Variants in MAGOH observed in about 807,000 individuals in gnomAD.
The protein encoded by MAGOH is protein mago nashi homolog.
In MAGOH, 3 loss-of-function variants were observed where a neutral mutation model predicts 20.9. The observed-to-expected ratio is 0.14, with a 90% CI of 0.07 to 0.37. The LOEUF is 0.37. Ranked by LOEUF, MAGOH falls within the 10% of genes least tolerant of loss-of-function variation. MAGOH has a pLI of 1.00. For missense variants in MAGOH, 66 were observed against 178.1 expected (o/e 0.37, Z 3.58); for synonymous variants, 51 against 61.0 (o/e 0.84, Z 0.76).
chr1:53,230,443 G>A (rs748654984), intron 3 of MAGOH, among the ~76,000 whole-genome samples: 8 of 152,166 alleles, frequency 5.3e-5, no homozygotes, highest in Non-Finnish European at 1.0e-4. Flanking sequence ...TTAGATACAG[G>A]ATCTCACTCT....
In MAGOH at chr1:53,227,143, C is replaced by A; in HGVS notation, c.343G>T (p.Asp115Tyr). Reference sequence around the variant, plus strand: ...TAAAATACTCGTAAGCCTTCTGGATCCCTAAAATACAAAAGGAAAAAAGTT... The same window carrying A: ...TAAAATACTCGTAAGCCTTCTGGATACCTAAAATACAAAAGGAAAAAAGTT... ...GSLIDVNQSK[D>Y]PEGLRVFYYL... Residue 115 changes from aspartate (D) to tyrosine (Y), a missense_variant and splice_region_variant, in exon 5 of 5, where the codon GAT becomes TAT. By Grantham distance (160) the Asp-to-Tyr change is radical. Transcript: ENST00000371470. 6.4e-7 allele frequency: 1 copy of A among 1,567,240 alleles called. No individual in the cohort carries two copies. The highest frequency in any genetic ancestry group is 8.6e-7 in the Non-Finnish European group (1 of 1,158,218).
chr1:53,227,429 T>C (rs1055577022), intron 4 of MAGOH, among the ~76,000 whole-genome samples: 8 of 152,228 alleles, frequency 5.3e-5, no homozygotes, highest in African/African-American at 1.7e-4. Flanking sequence ...TAATAATGGT[T>C]GTCTGATTGA....
rs186822943 is a variant in MAGOH at position 53,237,366 on chromosome 1, C to A, written c.88+995G>T. 3.1e-3 allele frequency among the ~76,000 whole-genome samples: 466 copies of A among 151,788 alleles called. 2 individuals carry two copies. Among genetic ancestry groups the A allele is most frequent in the Non-Finnish European group, 3.4e-3 (231 of 67,930 alleles). ...GCTTTTTCAAGAAGAGATCACATTTCTTCTCTGCTTAAAACCTTCCAAGCC... is the reference window on the plus strand; with the variant it reads ...GCTTTTTCAAGAAGAGATCACATTTATTCTCTGCTTAAAACCTTCCAAGCC... On this transcript the variant is annotated intron_variant, in intron 1 of 4. Transcript: ENST00000371470.
chr1:53,233,522 G>A lies in MAGOH; in HGVS notation c.258+20C>T, dbSNP rs184326228. The A allele has an allele frequency of 2.6e-6, 4 of 1,568,088 alleles. No individual in the cohort carries two copies. Among genetic ancestry groups the A allele is most frequent in the Non-Finnish European group, 3.5e-6 (4 of 1,138,990 alleles). ...TTATTTGTAAGATTTCTGCACTACAGGATAATCAATAAAACACACCTGCCG... is the reference window on the plus strand; with the variant it reads ...TTATTTGTAAGATTTCTGCACTACAAGATAATCAATAAAACACACCTGCCG... On this transcript the variant is annotated intron_variant, in intron 3 of 4. Coordinates refer to ENST00000371470, the MANE Select transcript of MAGOH (RefSeq NM_002370.4).
At chr1:53,236,869 A>T (rs1645612793) in intron 1 of MAGOH, among the ~76,000 whole-genome samples, 4 of 152,024 alleles carry the variant, frequency 2.6e-5, no homozygotes, top group Admixed American at 1.3e-4. Flanking sequence ...ATCAACGATC[A>T]AAGTCCAGTT....
chr1:53,233,731 A>G (rs1645597496), intron 2 of MAGOH, 79 bp from the exon 3 acceptor site: 4 of 917,294 alleles, frequency 4.4e-6, no homozygotes, highest in African/African-American at 1.6e-5. Context: ...GAAGATAAAA[A>G]TAACTGTTCC....
intron 1 of MAGOH, among the ~76,000 whole-genome samples, chr1:53,236,769 A>C (rs1645612442): frequency 6.6e-6 from 1 of 152,152 alleles, no homozygotes; most frequent in Non-Finnish European, 1.5e-5. Flanking sequence ...GAGGCCTGTC[A>C]GATTCATCTT....
Position 53,226,928 on chromosome 1 carries a change from G to A in MAGOH, c.*117C>T. The A allele has an allele frequency of 1.6e-6, 1 of 616,076 alleles. No homozygotes were observed. The highest frequency in any genetic ancestry group is 2.9e-6 in the Non-Finnish European group (1 of 349,904). 38.2% of individuals were successfully genotyped at this position (616,076 alleles called of 1,614,324 possible). ...AGGTCTTTATAAAATAATAAAAATT[G>A]GATTTTATCACATATTTATTAAAGA... is the stretch of plus-strand genomic sequence containing the variant. On this transcript the variant is annotated 3_prime_UTR_variant, in exon 5 of 5. Transcript: ENST00000371470.
chr1:53,236,764 C>T (rs186363862), intron 1 of MAGOH, among the ~76,000 whole-genome samples: 3 of 152,168 alleles, frequency 2.0e-5, no homozygotes, highest in African/African-American at 7.2e-5. Context: ...CAGTCGAGGC[C>T]TGTCAGATTC....
chr1:53,235,433 G>A, intron 2 of MAGOH, 144 bp downstream of exon 2: 1 of 680,912 alleles, frequency 1.5e-6, no homozygotes, highest in South Asian at 2.0e-5. Context: ...GATGATTTGG[G>A]AAATAATCCA....
At chr1:53,235,662 G>T in intron 1 of MAGOH, 27 bp from the exon 2 acceptor site, 1 of 1,588,000 alleles carries the variant, frequency 6.3e-7, no homozygotes, top group Non-Finnish European at 8.6e-7. Context: ...CAATTTCAAC[G>T]TATAATAAAA....
chr1:53,232,932 C>T (rs1645593214), intron 3 of MAGOH, among the ~76,000 whole-genome samples: 1 of 152,162 alleles, frequency 6.6e-6, no homozygotes, highest in South Asian at 2.1e-4. Context: ...GAAACGCCAT[C>T]TCTACTACAA....
chr1:53,235,700 C>T (rs1645607306), intron 1 of MAGOH, 65 bp from the exon 2 acceptor site: 1 of 1,339,616 alleles, frequency 7.5e-7, no homozygotes, highest in Non-Finnish European at 1.1e-6. Context: ...CAATACCATG[C>T]CAAGGCATCA....
intron 2 of MAGOH, 150 bp from the exon 3 acceptor site, chr1:53,233,802 A>G: frequency 1.6e-6 from 1 of 613,268 alleles, no homozygotes. Flanking sequence ...CCTCGGCATG[A>G]TGCAGGTGAG....
At chr1:53,231,399 A>C (rs1645585588) in intron 3 of MAGOH, among the ~76,000 whole-genome samples, 1 of 152,214 alleles carries the variant, frequency 6.6e-6, no homozygotes, top group Non-Finnish European at 1.5e-5. Flanking sequence ...TAAAGAAGTC[A>C]AATTTACCAA....
rs1030375782 is a variant in MAGOH at position 53,228,881 on chromosome 1, T to C, written c.332A>G (p.Asn111Ser). The change falls in exon 4 of 5, where the codon AAT becomes AGT. Residue 111 changes from asparagine (N) to serine (S), a missense_variant. Physicochemically the swap from Asn to Ser is conservative, Grantham distance 46 (BLOSUM62 1). Coordinates refer to ENST00000371470, the MANE Select transcript of MAGOH (RefSeq NM_002370.4). ...TSKIGSLIDV[N>S]QSKDPEGLRV... Reference sequence around the variant, plus strand: ...GATCATGCACACTTACTTGGATTGATTGACATCAATAAGGGAACCAATTTT... The same window carrying C: ...GATCATGCACACTTACTTGGATTGACTGACATCAATAAGGGAACCAATTTT... The C allele has an allele frequency of 1.1e-5, 18 of 1,607,892 alleles. No individual in the cohort carries two copies. In the African/African-American group the frequency reaches 1.2e-4, roughly 11 times the overall value.
intron 4 of MAGOH, among the ~76,000 whole-genome samples, chr1:53,227,441 A>G (rs1293005075): frequency 9.9e-5 from 15 of 152,250 alleles, no homozygotes; most frequent in Admixed American, 9.8e-4. Flanking sequence ...TCTGATTGAT[A>G]AACTTGTGGA....
chr1:53,229,814 G>C (rs546835516), intron 3 of MAGOH, among the ~76,000 whole-genome samples: 3 of 152,156 alleles, frequency 2.0e-5, no homozygotes, highest in Admixed American at 6.5e-5. Context: ...AGCTACTAGA[G>C]AGGCTGAGGT....
chr1:53,237,673 C>CAAAAAAAAAAAAAAAAAAAAAAAA, intron 1 of MAGOH, among the ~76,000 whole-genome samples: 1 of 55,340 alleles, frequency 1.8e-5, no homozygotes, highest in East Asian at 6.8e-4. Flanking sequence ...AAAGCCGTCT[C>CAAAAAAAAAAAAAAAAAAAAAAAA]AAAAAAAAAA....
Sources: allele counts gnomAD v4.1 joint callset (sites outside exome capture counted in the v4.1 genomes callset), GRCh38; gene constraint gnomAD v4.1.1; transcripts MANE v1.5; gene names NCBI Gene and HGNC (gene_info 2026-07-23, HGNC 2026-07-21).